GALNT2: variants seen among roughly 807,000 people sequenced by gnomAD.
The protein encoded by GALNT2 is polypeptide N-acetylgalactosaminyltransferase 2.
In GALNT2, 31 loss-of-function variants were observed where a neutral mutation model predicts 81.4. The observed-to-expected ratio is 0.38, with a 90% CI of 0.29 to 0.51. The LOEUF (loss-of-function observed/expected upper bound fraction) is 0.51, where lower values mean the gene tolerates loss of function less well. Ranked by LOEUF, GALNT2 falls within the 20% of genes least tolerant of loss-of-function variation. GALNT2 has a pLI of 0.87. For synonymous variants in GALNT2, 303 were observed against 287.4 expected (o/e 1.05, Z -0.55); for missense variants, 629 against 765.7 (o/e 0.82, Z 2.11).
At chr1:230,217,708 C>T (rs73114043) in intron 3 of GALNT2, among the ~76,000 whole-genome samples, 3,137 of 152,242 alleles carry the variant, frequency 0.021, 101 homozygotes, top group African/African-American at 0.07. Flanking sequence ...TTCAAGATGG[C>T]GCCAAGAACA....
At chr1:230,137,209 A>G (rs1248109309) in intron 1 of GALNT2, among the ~76,000 whole-genome samples, 6 of 152,242 alleles carry the variant, frequency 3.9e-5, no homozygotes, top group African/African-American at 7.2e-5. Context: ...GGAGGCACAC[A>G]TGCTTCATAG....
chr1:230,169,946 T>C (rs909371060), intron 1 of GALNT2, among the ~76,000 whole-genome samples: 4 of 152,202 alleles, frequency 2.6e-5, no homozygotes, highest in African/African-American at 9.6e-5. Flanking sequence ...ATGAAGCCAG[T>C]GGTTCTGAAC....
intron 3 of GALNT2, among the ~76,000 whole-genome samples, chr1:230,212,689 G>C (rs1283555271): frequency 2.0e-5 from 3 of 151,996 alleles, no homozygotes; most frequent in Admixed American, 2.0e-4. Context: ...CTCATCCCAG[G>C]TTGTAACTTG....
chr1:230,169,100 G>A (rs1434531001), intron 1 of GALNT2, among the ~76,000 whole-genome samples: 3 of 152,154 alleles, frequency 2.0e-5, no homozygotes, highest in East Asian at 3.8e-4. Context: ...GTTTGGGAGA[G>A]GAAGACCACA....
At chr1:230,113,635 C>G (rs1558089834) in intron 1 of GALNT2, among the ~76,000 whole-genome samples, 1 of 152,086 alleles carries the variant, frequency 6.6e-6, no homozygotes, top group Non-Finnish European at 1.5e-5. Context: ...TCTTGAGGAG[C>G]TCAGAGTATC....
intron 1 of GALNT2, among the ~76,000 whole-genome samples, chr1:230,093,011 A>G (rs1372447503): frequency 3.3e-5 from 5 of 152,144 alleles, no homozygotes; most frequent in African/African-American, 1.2e-4. Flanking sequence ...CGTGGCAGGT[A>G]TGTTACCCCC....
At chr1:230,114,553 G>C (rs1373510506) in intron 1 of GALNT2, among the ~76,000 whole-genome samples, 2 of 152,238 alleles carry the variant, frequency 1.3e-5, no homozygotes, top group African/African-American at 4.8e-5. Flanking sequence ...GCACTGCTGG[G>C]ACATGAACAG....
chr1:230,212,091 C>G (rs1248043501), intron 3 of GALNT2, among the ~76,000 whole-genome samples: 1 of 152,184 alleles, frequency 6.6e-6, no homozygotes, highest in Non-Finnish European at 1.5e-5. Context: ...TTTACAGTTA[C>G]TAAGCCATGA....
intron 2 of GALNT2, among the ~76,000 whole-genome samples, chr1:230,194,824 C>T (rs992803994): frequency 1.3e-5 from 2 of 152,220 alleles, no homozygotes; most frequent in African/African-American, 4.8e-5. Context: ...GGGCCCCCAT[C>T]CACCATAGAG....
chr1:230,235,606 C>T (rs567653515), intron 3 of GALNT2, among the ~76,000 whole-genome samples: 1 of 152,266 alleles, frequency 6.6e-6, no homozygotes, highest in Non-Finnish European at 1.5e-5. Flanking sequence ...TTGTTGTAGG[C>T]AATGTAGAAA....
At position 230,193,859 on chromosome 1, in the gene GALNT2, A is replaced by C. The variant is rs1196597350; in HGVS notation, c.221-9278A>C. 6.6e-6 allele frequency among the ~76,000 whole-genome samples: 1 copy of C among 152,072 alleles called. No homozygotes were observed. Among genetic ancestry groups the C allele is most frequent in the Non-Finnish European group, 1.5e-5 (1 of 68,000 alleles). On this transcript the variant is annotated intron_variant, in intron 2 of 15. Coordinates refer to ENST00000366672, the MANE Select transcript of GALNT2 (RefSeq NM_004481.5). This position sits in a 1 kb window ranked among gnomAD's most constrained non-coding sequence, Gnocchi z 4.3. Reference sequence around the variant, plus strand: ...GTCTCTGGCTGCAGCCAGGTCCTAGAGTGTCAGCCACAGAGCTGATGCTGG... The same window carrying C: ...GTCTCTGGCTGCAGCCAGGTCCTAGCGTGTCAGCCACAGAGCTGATGCTGG...
intron 3 of GALNT2, among the ~76,000 whole-genome samples, chr1:230,229,153 A>G (rs765681070): frequency 5.3e-5 from 8 of 152,242 alleles, no homozygotes; most frequent in Non-Finnish European, 1.0e-4. Context: ...AAAGCATCAT[A>G]AACAAAATTA....
Position 230,279,970 on chromosome 1 carries a change from A to T in GALNT2, c.*512A>T, listed in dbSNP as rs893726202. ...CAATAGTCCCTCTCTCTGCTCCTCC[A>T]TTCGCAAGTGTCTTCCTGGGCCAGA... On this transcript the variant is annotated 3_prime_UTR_variant, in exon 16 of 16. Transcript: ENST00000366672. This position sits in a 1 kb window ranked among gnomAD's most constrained non-coding sequence, Gnocchi z 4.6. 1.3e-5 allele frequency: 6 copies of T among 456,052 alleles called. No homozygotes were observed. The highest frequency in any genetic ancestry group is 9.4e-5 in the Admixed American group (4 of 42,554). The allele number at this position is 456,052 out of a possible 1,614,324, so 28.3% of individuals were successfully genotyped here.
At chr1:230,200,343 G>A (rs548166328) in intron 2 of GALNT2, among the ~76,000 whole-genome samples, 5 of 152,290 alleles carry the variant, frequency 3.3e-5, no homozygotes, top group South Asian at 2.1e-4. Flanking sequence ...GATTACAGGC[G>A]TGAGCCAGTG....
chr1:230,126,793 C>T (rs960812099), intron 1 of GALNT2, among the ~76,000 whole-genome samples: 3 of 152,168 alleles, frequency 2.0e-5, no homozygotes, highest in African/African-American at 4.8e-5. Context: ...TATAACCCCA[C>T]GTGCACACTT....
At chr1:230,084,573 T>A (rs1288539334) in intron 1 of GALNT2, among the ~76,000 whole-genome samples, 2 of 148,590 alleles carry the variant, frequency 1.3e-5, no homozygotes, top group African/African-American at 5.0e-5. Flanking sequence ...CGTTGCTAGG[T>A]GAGGGAGATG....
At chr1:230,091,790 G>C (rs1356736340) in intron 1 of GALNT2, 3 of 152,470 alleles carry the variant, frequency 2.0e-5, no homozygotes, top group Non-Finnish European at 2.9e-5. Flanking sequence ...GCACTGGCCA[G>C]CCAGCCTCAT....
At chr1:230,133,254 A>G (rs570492301) in intron 1 of GALNT2, among the ~76,000 whole-genome samples, 86 of 152,332 alleles carry the variant, frequency 5.6e-4, no homozygotes, top group African/African-American at 2.0e-3. Context: ...TAAAAGTGGA[A>G]TTACCGGGTC....
At chr1:230,078,279 G>A (rs1011959007) in intron 1 of GALNT2, among the ~76,000 whole-genome samples, 1 of 149,958 alleles carries the variant, frequency 6.7e-6, no homozygotes, top group East Asian at 2.0e-4. Context: ...TGTCGTATTT[G>A]GGGGGGGATC....
Sources: allele counts gnomAD v4.1 joint callset (sites outside exome capture counted in the v4.1 genomes callset), GRCh38; gene constraint gnomAD v4.1.1; non-coding constraint Gnocchi (gnomAD v3.1); transcripts MANE v1.5; gene names NCBI Gene and HGNC (gene_info 2026-07-23, HGNC 2026-07-21).